The following PRLR variants were observed in gnomAD, a reference collection of about 807,000 sequenced individuals.
The protein encoded by PRLR is hPRL receptor.
A neutral mutation model predicts 40.2 loss-of-function variants in PRLR; 13 were observed. The ratio of observed to expected loss-of-function variants is 0.32; its 90% CI spans 0.21 to 0.51. The LOEUF (loss-of-function observed/expected upper bound fraction) is 0.51. Among genes scored for constraint, PRLR ranks in the 20% least tolerant of loss-of-function variants. The pLI is 0.97. For synonymous variants in PRLR, 269 were observed against 278.7 expected (o/e 0.97, Z 0.35); for missense variants, 656 against 747.3 (o/e 0.88, Z 1.42).
intron 8 of PRLR, 140 bp downstream of exon 8, chr5:35,068,639 T>C: frequency 1.5e-6 from 1 of 682,144 alleles, no homozygotes; most frequent in Non-Finnish European, 2.4e-6. Context: ...TGATAAAAGA[T>C]TTTTTTTATG....
At chr5:35,154,523 GC>G (rs2111877366) in intron 1 of PRLR, among the ~76,000 whole-genome samples, 1 of 152,210 alleles carries the variant, frequency 6.6e-6, no homozygotes, top group East Asian at 1.9e-4. Context: ...AAAAAGGAAG[GC>G]TTTTATGCTG....
chr5:35,205,489 T>A (rs1164403036), intron 1 of PRLR, among the ~76,000 whole-genome samples: 1 of 149,492 alleles, frequency 6.7e-6, no homozygotes, highest in Non-Finnish European at 1.5e-5. Context: ...TGTTCGGCTA[T>A]CCTCTGCCAA....
In PRLR at chr5:35,143,633, C is replaced by T. The variant is rs77455368; in HGVS notation, c.-105-25511G>A. Among the ~76,000 whole-genome samples, 366 of 152,166 alleles carry T rather than the reference C, an allele frequency of 2.4e-3. 4 individuals carry two copies. The South Asian group carries it at 0.034, about 14-fold the overall frequency. ...AAACTTGAGGGCAGGACTCTTAATT[C>T]CCAATGCTTATAACAATGACTGATT... On this transcript the variant is annotated intron_variant, in intron 1 of 9. Transcript: ENST00000618457.
At chr5:35,218,641 T>A (rs16872885) in intron 1 of PRLR, among the ~76,000 whole-genome samples, 1,726 of 152,280 alleles carry the variant, frequency 0.011, 32 homozygotes, top group African/African-American at 0.039. Context: ...AAGGTAGATA[T>A]GCAGTGAAAA....
intron 5 of PRLR, among the ~76,000 whole-genome samples, chr5:35,076,935 C>T (rs905497074): frequency 6.6e-6 from 1 of 152,108 alleles, no homozygotes; most frequent in Non-Finnish European, 1.5e-5. Flanking sequence ...ATTTCATATC[C>T]AGCCAAACTA....
chr5:35,159,172 A>G (rs1774597546), intron 1 of PRLR, among the ~76,000 whole-genome samples: 1 of 152,130 alleles, frequency 6.6e-6, no homozygotes, highest in Non-Finnish European at 1.5e-5. Flanking sequence ...TTACAGTTCT[A>G]GTGACACACT....
Position 35,061,729 on chromosome 5 carries a change from T to C in PRLR, c.*3360A>G, listed in dbSNP as rs1769048256. 6.6e-6 allele frequency: 1 copy of C among 152,210 alleles called. No individual in the cohort carries two copies. Among genetic ancestry groups the C allele is most frequent in the Admixed American group, 6.5e-5 (1 of 15,284 alleles). 9.4% of individuals were successfully genotyped at this position (152,210 alleles called of 1,614,324 possible). ...ACCCGTTGCCTAGATTCAGTTTCCA[T>C]GCGCCTTAAAACTTGAATATTTAGG... On this transcript the variant is annotated 3_prime_UTR_variant, in exon 10 of 10. Coordinates refer to ENST00000618457, the MANE Select transcript of PRLR (RefSeq NM_000949.7).
At chr5:35,168,995 G>A (rs556652069) in intron 1 of PRLR, among the ~76,000 whole-genome samples, 39 of 152,260 alleles carry the variant, frequency 2.6e-4, no homozygotes, top group African/African-American at 9.1e-4. Context: ...GGGTGATTAT[G>A]GGGCAGAGGA....
intron 1 of PRLR, among the ~76,000 whole-genome samples, chr5:35,177,764 T>C (rs1023339305): frequency 1.3e-4 from 20 of 152,268 alleles, no homozygotes; most frequent in Admixed American, 1.3e-3. Flanking sequence ...AGGGCTGCTA[T>C]AAACATTCAT....
chr5:35,183,280 A>C (rs1561352845), intron 1 of PRLR, among the ~76,000 whole-genome samples: 1 of 152,196 alleles, frequency 6.6e-6, no homozygotes, highest in Non-Finnish European at 1.5e-5. Flanking sequence ...CAGTCCATTA[A>C]AGAACAGACA....
intron 1 of PRLR, among the ~76,000 whole-genome samples, chr5:35,207,833 G>A (rs182720364): frequency 2.0e-5 from 3 of 152,154 alleles, no homozygotes; most frequent in Admixed American, 2.0e-4. Context: ...TTGGGAGGAC[G>A]CATTGGCAAG....
At chr5:35,140,547 T>C (rs909965213) in intron 1 of PRLR, among the ~76,000 whole-genome samples, 107 of 152,366 alleles carry the variant, frequency 7.0e-4, no homozygotes, top group African/African-American at 2.4e-3. Flanking sequence ...TAATTCTCTT[T>C]CACAAAAGTG....
At chr5:35,082,661 C>A (rs1254050836) in intron 5 of PRLR, among the ~76,000 whole-genome samples, 1 of 152,174 alleles carries the variant, frequency 6.6e-6, no homozygotes, top group Admixed American at 6.5e-5. Context: ...TACTCAACAA[C>A]AAAGAACTCT....
chr5:35,087,751 C>T (rs115444582), intron 3 of PRLR, among the ~76,000 whole-genome samples: 1,616 of 152,188 alleles, frequency 0.011, 21 homozygotes, highest in South Asian at 0.024. Context: ...TCTTGGCAAG[C>T]GGGCTCCCAT....
chr5:35,060,607 C>G lies in PRLR; in HGVS notation c.*4482G>C, dbSNP rs1186691945. ...AAAGACTCATCCCAGGACATAGTGC[C>G]TACTTAGTCGTGGTGATGTGATTTA... On this transcript the variant is annotated 3_prime_UTR_variant, in exon 10 of 10. Transcript: ENST00000618457. 1.3e-5 allele frequency: 2 copies of G among 152,214 alleles called. 1 individual carries two copies. Among genetic ancestry groups the G allele is most frequent in the Admixed American group, 1.3e-4 (2 of 15,292 alleles). 9.4% of individuals were successfully genotyped at this position (152,214 alleles called of 1,614,324 possible). A position where few individuals can be genotyped will look rare whatever the true frequency, so the allele number is the denominator to read the frequency against.
intron 1 of PRLR, among the ~76,000 whole-genome samples, chr5:35,230,021 AG>A (rs1776657432): frequency 6.6e-6 from 1 of 152,104 alleles, no homozygotes; most frequent in African/African-American, 2.4e-5. Context: ...GTGGAGGCAA[AG>A]CACCTTAAGA....
Position 35,072,809 on chromosome 5 carries a change from T to A in PRLR, c.374-65A>T. ...GCACCTTTTCTTTGGCTTTACCATTTTCTATTAGGAATTCCTTTTTCTGTT... is the reference window on the plus strand; with the variant it reads ...GCACCTTTTCTTTGGCTTTACCATTATCTATTAGGAATTCCTTTTTCTGTT... On this transcript the variant is annotated intron_variant, in intron 5 of 9. Coordinates refer to ENST00000618457, the MANE Select transcript of PRLR (RefSeq NM_000949.7). 3 of 1,556,894 alleles carry A rather than the reference T, an allele frequency of 1.9e-6. No homozygotes were observed. In the Middle Eastern group the frequency reaches 5.3e-4, roughly 276 times the overall value.
intron 1 of PRLR, among the ~76,000 whole-genome samples, chr5:35,148,780 T>C (rs1774258231): frequency 6.6e-6 from 1 of 152,160 alleles, no homozygotes; most frequent in Non-Finnish European, 1.5e-5. Context: ...TAACTCAATA[T>C]TTTACAAAAA....
intron 1 of PRLR, among the ~76,000 whole-genome samples, chr5:35,212,450 T>C (rs1776195001): frequency 6.6e-6 from 1 of 152,244 alleles, no homozygotes; most frequent in Non-Finnish European, 1.5e-5. Context: ...GGTCTGGGGC[T>C]TCTGATTTTT....
Sources: allele counts gnomAD v4.1 joint callset (sites outside exome capture counted in the v4.1 genomes callset), GRCh38; gene constraint gnomAD v4.1.1; transcripts MANE v1.5; gene names NCBI Gene and HGNC (gene_info 2026-07-23, HGNC 2026-07-21).